SPACA6: variants seen among roughly 807,000 people sequenced by gnomAD.
SPACA6 encodes sperm acrosome membrane-associated protein 6.
For missense variants in SPACA6, 8 were observed against 2.8 expected (o/e 2.88, Z -1.34); for synonymous variants, 6 against 1.5 (o/e 4.05, Z -2.21).
At chr19:51,688,918 AGAACG>A (rs1568612305), upstream of SPACA6, among the ~76,000 whole-genome samples, 1 of 133,970 alleles carries the variant, frequency 7.5e-6, no homozygotes, top group Non-Finnish European at 1.6e-5. Flanking sequence ...AGAGAGAGAG[AGAACG>A]AGAGAGAAGG....
At chr19:51,690,907 G>T (rs1012426050), upstream of SPACA6, among the ~76,000 whole-genome samples, 3 of 151,762 alleles carry the variant, frequency 2.0e-5, no homozygotes, top group Non-Finnish European at 4.4e-5. Flanking sequence ...AGGTTGGTGT[G>T]GGGGGGTGGG....
In SPACA6 at chr19:51,704,284, C is replaced by G; in HGVS notation, c.745C>G (p.Pro249Ala). 2.5e-6 allele frequency: 1 copy of G among 400,714 alleles called. No individual in the cohort carries two copies. Among genetic ancestry groups the G allele is most frequent in the Non-Finnish European group, 4.4e-6 (1 of 225,988 alleles). 24.8% of individuals were successfully genotyped at this position (400,714 alleles called of 1,614,324 possible). A position where few individuals can be genotyped will look rare whatever the true frequency, so the allele number is the denominator to read the frequency against. Reference protein sequence around the residue: ...YFFLNVTGPPPRAETELQASF... With the variant: ...YFFLNVTGPPARAETELQASF... ...CGCCCCCGCAGTGACGGGCCCGCCC[C>G]CGCGGGCGGAGACAGAGTTGCAGGC... is the stretch of plus-strand genomic sequence containing the variant. Residue 249 changes from proline to alanine, a missense_variant, in exon 8 of 9, where the codon CCG becomes GCG. Transcript: ENST00000637797.
At chr19:51,705,195 GT>G (rs1482586473), downstream of SPACA6, 1 of 400,866 alleles carries the variant, frequency 2.5e-6, no homozygotes, top group Non-Finnish European at 4.4e-6. Context: ...ACTCTAGATT[GT>G]TTCATCTCCG....
At chr19:51,695,402 T>C (rs1201628722) in intron 2 of SPACA6, among the ~76,000 whole-genome samples, 1 of 152,218 alleles carries the variant, frequency 6.6e-6, no homozygotes, top group Admixed American at 6.5e-5. Context: ...CCCTGCGCTA[T>C]AGAATAAACT....
At position 51,701,662 on chromosome 19, in the gene SPACA6, C is replaced by A; in HGVS notation, c.297C>A (p.Ser99=). The change falls in exon 3 of 9, where the codon TCC becomes TCA. Residue 99 remains serine, a synonymous_variant. Coordinates refer to ENST00000637797, the MANE Select transcript of SPACA6 (RefSeq NM_001316972.2). ...ALQELAAAQG[S]FEVAFPDAAE... Reference sequence around the variant, plus strand: ...GTCCTCCCCTCCACTCTCCAGGATCCTTTGAGGTTGCCTTCCCTGATGCTG... The same window carrying A: ...GTCCTCCCCTCCACTCTCCAGGATCATTTGAGGTTGCCTTCCCTGATGCTG... The A allele has an allele frequency of 2.5e-6, 1 of 399,074 alleles. No homozygotes were observed. Among genetic ancestry groups the A allele is most frequent in the Non-Finnish European group, 4.4e-6 (1 of 226,092 alleles). 24.7% of individuals were successfully genotyped at this position (399,074 alleles called of 1,614,324 possible).
upstream of SPACA6, chr19:51,689,429 G>A (rs2083350732): frequency 6.6e-6 from 1 of 152,402 alleles, no homozygotes; most frequent in Admixed American, 6.5e-5. Flanking sequence ...GAGAAGGGAA[G>A]GAGGATGGCG....
chr19:51,682,734 C>T, the SPACA6 span, among the ~76,000 whole-genome samples: 1 of 152,122 alleles, frequency 6.6e-6, no homozygotes, highest in African/African-American at 2.4e-5. Context: ...GTATTATAAA[C>T]TGAGCAGCTT....
downstream of SPACA6, among the ~76,000 whole-genome samples, chr19:51,706,670 C>A (rs1392981802): frequency 6.8e-6 from 1 of 146,640 alleles, no homozygotes; most frequent in African/African-American, 2.5e-5. Context: ...AATGTTAACT[C>A]TTTTTTTTTT....
At chr19:51,702,460 C>G in intron 3 of SPACA6, 169 bp from the exon 4 acceptor site, 1 of 393,060 alleles carries the variant, frequency 2.5e-6, no homozygotes. Context: ...GGCTTGGCCC[C>G]GGCCCCAGGT....
Position 51,696,331 on chromosome 19 carries a change from G to T in SPACA6, c.292+1776G>T, listed in dbSNP as rs372717570. 1.8e-4 allele frequency among the ~76,000 whole-genome samples: 28 copies of T among 152,320 alleles called. No individual in the cohort carries two copies. The East Asian group carries it at 4.2e-3, about 23-fold the overall frequency. On this transcript the variant is annotated intron_variant, in intron 2 of 8. Coordinates refer to ENST00000637797, the MANE Select transcript of SPACA6 (RefSeq NM_001316972.2). Reference sequence around the variant, plus strand: ...CTGTCCTCGGGTTGCTTATATTGGGGTGGAGTCTGGGGAGATAGACAATAA... The same window carrying T: ...CTGTCCTCGGGTTGCTTATATTGGGTTGGAGTCTGGGGAGATAGACAATAA...
At chr19:51,683,091 C>G in the SPACA6 span, among the ~76,000 whole-genome samples, 2 of 152,228 alleles carry the variant, frequency 1.3e-5, no homozygotes, top group Non-Finnish European at 2.9e-5. Flanking sequence ...GATGTGGAGG[C>G]TAGAAGTTAG....
rs2083498756 is a variant in SPACA6, at chr19:51,704,466, G to A, written c.927G>A (p.Ala309=). ...AVLGALASAS[A]TVLAWMFFRW... Reference sequence around the variant, plus strand: ...TCGGGGCCCTCGCATCAGCGAGTGCGACAGTGTTGGCGTGGTGAGTTCTGG... The same window carrying A: ...TCGGGGCCCTCGCATCAGCGAGTGCAACAGTGTTGGCGTGGTGAGTTCTGG... Residue 309 remains alanine (A), a synonymous_variant, in exon 8 of 9, where the codon GCG becomes GCA. Transcript: ENST00000637797. 2.5e-6 allele frequency: 1 copy of A among 401,170 alleles called. No homozygotes were observed. The highest frequency in any genetic ancestry group is 4.4e-6 in the Non-Finnish European group (1 of 226,220). The allele number at this position is 401,170 out of a possible 1,614,324, so 24.9% of individuals were successfully genotyped here.
downstream of SPACA6, among the ~76,000 whole-genome samples, chr19:51,709,439 C>T (rs945574298): frequency 6.0e-5 from 9 of 150,340 alleles, no homozygotes; most frequent in East Asian, 1.8e-3. Flanking sequence ...ACTGCTTGAA[C>T]CCGTGAGGCG....
At chr19:51,710,377 C>T (rs1212112448) in intron 2 of SPACA6, among the ~76,000 whole-genome samples, 1 of 152,150 alleles carries the variant, frequency 6.6e-6, no homozygotes, top group Admixed American at 6.5e-5. Flanking sequence ...TTTAGACTTC[C>T]ATGTGGTAGT....
chr19:51,694,022 C>T, intron 1 of SPACA6: 1 of 293,894 alleles, frequency 3.4e-6, no homozygotes, highest in Non-Finnish European at 6.1e-6. Context: ...GATGGAGACT[C>T]GGAAAGATGG....
chr19:51,695,976 G>A (rs370688991), intron 2 of SPACA6, among the ~76,000 whole-genome samples: 1 of 152,228 alleles, frequency 6.6e-6, no homozygotes, highest in African/African-American at 2.4e-5. Context: ...CTGAGAGAAA[G>A]AGCCGGGGGC....
chr19:51,701,561 CCTAGCCCTAGCCAGG>C (rs1326168919), intron 2 of SPACA6, 82 bp from the exon 3 acceptor site: 2 of 394,002 alleles, frequency 5.1e-6, no homozygotes, highest in Non-Finnish European at 9.0e-6. Flanking sequence ...CTAGGGCCAG[CCTAGCCCTAGCCAGG>C]CTAGATCAGA....
Position 51,693,587 on chromosome 19 carries a change from A to G in SPACA6, c.61A>G (p.Arg21Gly). 4.6e-6 allele frequency: 2 copies of G among 438,106 alleles called. No homozygotes were observed. Among genetic ancestry groups the G allele is most frequent in the Non-Finnish European group, 8.2e-6 (2 of 243,550 alleles). The allele number at this position is 438,106 out of a possible 1,614,324, so 27.1% of individuals were successfully genotyped here. A position where few individuals can be genotyped will look rare whatever the true frequency, so the allele number is the denominator to read the frequency against. The change falls in exon 1 of 9, where the codon AGG becomes GGG. Residue 21 changes from arginine to glycine, a missense_variant. Physicochemically the swap from Arg to Gly is moderately radical, Grantham distance 125 (BLOSUM62 -2). Transcript: ENST00000637797. ...PSALLALAVF[R>G]VPAWACLLCF... ...TGCCCTGCTGGCCCTGGCTGTCTTC[A>G]GGGTGCCCGCCTGGGCCTGTCTCCT...
downstream of SPACA6, among the ~76,000 whole-genome samples, chr19:51,708,506 T>G (rs2083526867): frequency 1.3e-5 from 2 of 152,088 alleles, no homozygotes; most frequent in African/African-American, 4.8e-5. Context: ...GATGACGGTA[T>G]GAGCCATTAT....
Sources: gnomAD v4.1 joint callset for allele counts (sites outside exome capture counted in the v4.1 genomes callset) on GRCh38, gnomAD v4.1.1 for gene constraint, MANE v1.5 for transcripts, NCBI Gene and HGNC (gene_info 2026-07-23, HGNC 2026-07-21) for gene names.